The following LINGO2 variants were observed in gnomAD, a reference collection of about 807,000 sequenced individuals.
The protein encoded by LINGO2 is leucine-rich repeat and immunoglobulin-like domain-containing nogo receptor-interacting protein 2.
In LINGO2, 14 loss-of-function variants were observed where a neutral mutation model predicts 30.6. That is an observed-to-expected ratio of 0.46 (90% CI 0.30 to 0.72). The LOEUF is 0.72. Among genes scored for constraint, LINGO2 ranks in the 30% least tolerant of loss-of-function variants. The pLI, the probability that LINGO2 is intolerant of heterozygous loss-of-function variation, is 0.07. For synonymous variants in LINGO2, 317 were observed against 288.5 expected (o/e 1.10, Z -1.00); for missense variants, 729 against 751.7 (o/e 0.97, Z 0.35).
the LINGO2 span, among the ~76,000 whole-genome samples, chr9:29,078,530 C>G: frequency 6.6e-6 from 1 of 151,946 alleles, no homozygotes; most frequent in Non-Finnish European, 1.5e-5. Flanking sequence ...TCACAACTTT[C>G]ACTGACATTG....
At chr9:28,427,021 T>A (rs967725242) in intron 2 of LINGO2, among the ~76,000 whole-genome samples, 4 of 152,112 alleles carry the variant, frequency 2.6e-5, no homozygotes, top group African/African-American at 9.7e-5. Flanking sequence ...GCACTTAGCA[T>A]ATAGAGGCAT....
chr9:28,592,407 A>G (rs1824959131), intron 1 of LINGO2, among the ~76,000 whole-genome samples: 1 of 152,108 alleles, frequency 6.6e-6, no homozygotes, highest in South Asian at 2.1e-4. Context: ...GAGTTGATTC[A>G]GAGACTCAAG....
At chr9:28,648,266 G>A (rs763284227) in intron 1 of LINGO2, among the ~76,000 whole-genome samples, 1 of 152,068 alleles carries the variant, frequency 6.6e-6, no homozygotes, top group East Asian at 1.9e-4. Flanking sequence ...TTCTCTAGTT[G>A]CTACAGACAT....
chr9:29,132,761 C>G, the LINGO2 span, among the ~76,000 whole-genome samples: 1 of 152,188 alleles, frequency 6.6e-6, no homozygotes, highest in East Asian at 1.9e-4. Flanking sequence ...GTAACACTTG[C>G]TAGTTCAGAT....
chr9:28,770,572 C>A, the LINGO2 span, among the ~76,000 whole-genome samples: 1 of 152,174 alleles, frequency 6.6e-6, no homozygotes, highest in Non-Finnish European at 1.5e-5. Context: ...GAAAATTCTA[C>A]ACTGTAGTAC....
At chr9:28,251,316 A>G (rs1215851296) in intron 4 of LINGO2, among the ~76,000 whole-genome samples, 2 of 152,156 alleles carry the variant, frequency 1.3e-5, no homozygotes, top group Non-Finnish European at 2.9e-5. Context: ...GCTTCTAGAG[A>G]AGGGTAGGAA....
At chr9:29,140,267 A>T in the LINGO2 span, among the ~76,000 whole-genome samples, 1 of 152,090 alleles carries the variant, frequency 6.6e-6, no homozygotes, top group African/African-American at 2.4e-5. Flanking sequence ...CTAACAAAGG[A>T]TTCAAAATAG....
At chr9:28,398,083 G>A (rs1188090389) in intron 2 of LINGO2, among the ~76,000 whole-genome samples, 1 of 152,184 alleles carries the variant, frequency 6.6e-6, no homozygotes, top group East Asian at 1.9e-4. Context: ...TAAGTGCCAG[G>A]TTGGGAACTG....
At chr9:28,387,185 T>A (rs1431515605) in intron 2 of LINGO2, among the ~76,000 whole-genome samples, 3 of 152,070 alleles carry the variant, frequency 2.0e-5, no homozygotes, top group Non-Finnish European at 4.4e-5. Flanking sequence ...CAGCACCCTG[T>A]AAAAACACAC....
the LINGO2 span, among the ~76,000 whole-genome samples, chr9:29,034,332 A>G: frequency 6.6e-6 from 1 of 152,148 alleles, no homozygotes; most frequent in African/African-American, 2.4e-5. Flanking sequence ...TATTCATAAT[A>G]TTATATGGCA....
chr9:28,041,574 T>G (rs1214737925), intron 4 of LINGO2, among the ~76,000 whole-genome samples: 1 of 152,150 alleles, frequency 6.6e-6, no homozygotes, highest in Non-Finnish European at 1.5e-5. Flanking sequence ...AACTGAGCAT[T>G]CAGATGTTTT....
chr9:28,045,922 G>A (rs551927865), intron 4 of LINGO2, among the ~76,000 whole-genome samples: 3 of 152,274 alleles, frequency 2.0e-5, no homozygotes, highest in African/African-American at 4.8e-5. Context: ...GTTTGATGAT[G>A]ATGAAAAGCA....
chr9:28,472,900 T>C (rs1171781273), intron 2 of LINGO2, among the ~76,000 whole-genome samples: 1 of 152,190 alleles, frequency 6.6e-6, no homozygotes, highest in African/African-American at 2.4e-5. Flanking sequence ...TTGTCTGTAC[T>C]TTAATATATC....
the LINGO2 span, among the ~76,000 whole-genome samples, chr9:29,044,286 T>C: frequency 1.3e-5 from 2 of 152,012 alleles, no homozygotes; most frequent in African/African-American, 4.8e-5. Flanking sequence ...GGTAGGCATA[T>C]GGTACAGGCA....
At chr9:28,690,088 G>A in the LINGO2 span, among the ~76,000 whole-genome samples, 261 of 152,226 alleles carry the variant, frequency 1.7e-3, no homozygotes, top group African/African-American at 6.1e-3. Flanking sequence ...CGGGGTGGGA[G>A]GACGGAGAGC....
At chr9:28,169,138 G>T (rs1374045926) in intron 4 of LINGO2, among the ~76,000 whole-genome samples, 1 of 152,102 alleles carries the variant, frequency 6.6e-6, no homozygotes, top group East Asian at 1.9e-4. Flanking sequence ...AATGTTAAAA[G>T]GTGTGGAGAC....
chr9:28,972,152 C>T, the LINGO2 span, among the ~76,000 whole-genome samples: 1 of 152,216 alleles, frequency 6.6e-6, no homozygotes, highest in African/African-American at 2.4e-5. Flanking sequence ...TTATGAATAT[C>T]TGAAAAGCTT....
At chr9:29,125,127 G>C in the LINGO2 span, among the ~76,000 whole-genome samples, 1 of 152,046 alleles carries the variant, frequency 6.6e-6, no homozygotes, top group African/African-American at 2.4e-5. Context: ...GATGAAGCTG[G>C]AAAACCATCA....
chr9:28,714,255 A>G, the LINGO2 span, among the ~76,000 whole-genome samples: 6 of 150,704 alleles, frequency 4.0e-5, no homozygotes, highest in African/African-American at 1.5e-4. Flanking sequence ...TACAGTCATT[A>G]ACATCTTCTA....
Sources: gnomAD v4.1 joint callset for allele counts (sites outside exome capture counted in the v4.1 genomes callset) on GRCh38, gnomAD v4.1.1 for gene constraint, MANE v1.5 for transcripts, NCBI Gene and HGNC (gene_info 2026-07-23, HGNC 2026-07-21) for gene names.